CDIN1: variants seen among roughly 807,000 people sequenced by gnomAD.
CDIN1 encodes the protein CDAN1 interacting nuclease 1, also known as CDAN1-interacting nuclease 1.
A neutral mutation model predicts 45.3 loss-of-function variants in CDIN1; 33 were observed. The ratio of observed to expected loss-of-function variants is 0.73; its 90% CI spans 0.55 to 0.97. CDIN1 has a LOEUF of 0.97. Among genes scored for constraint, CDIN1 ranks in the 50% least tolerant of loss-of-function variants. CDIN1 has a pLI of 0.00. For missense variants in CDIN1, 303 were observed against 339.4 expected (o/e 0.89, Z 0.84); for synonymous variants, 118 against 124.4 (o/e 0.95, Z 0.34).
At chr15:36,697,416 G>C (rs778111140) in intron 8 of CDIN1, 26 bp downstream of exon 8, 7 of 1,563,822 alleles carry the variant, frequency 4.5e-6, no homozygotes, top group African/African-American at 2.8e-5. Flanking sequence ...ATCTTCTCTA[G>C]CTTGTGTTGT....
At chr15:36,744,355 T>C (rs1208680054) in intron 10 of CDIN1, among the ~76,000 whole-genome samples, 1 of 152,204 alleles carries the variant, frequency 6.6e-6, no homozygotes, top group Non-Finnish European at 1.5e-5. Flanking sequence ...TGAATATCTC[T>C]CTAGCTGCAT....
At chr15:36,589,645 A>G (rs1292251562) in intron 1 of CDIN1, among the ~76,000 whole-genome samples, 1 of 152,066 alleles carries the variant, frequency 6.6e-6, no homozygotes, top group African/African-American at 2.4e-5. Context: ...AGCTGGGACT[A>G]CAGGCGCCCG....
intron 8 of CDIN1, chr15:36,704,838 A>G (rs2042804320): frequency 6.6e-6 from 1 of 152,116 alleles, no homozygotes; most frequent in African/African-American, 2.4e-5. Context: ...TATGGAAATG[A>G]CTATACTTTT....
chr15:36,623,308 C>T (rs576579321), intron 1 of CDIN1, among the ~76,000 whole-genome samples: 1 of 152,108 alleles, frequency 6.6e-6, no homozygotes, highest in African/African-American at 2.4e-5. Context: ...TTTTTTTAAA[C>T]AATTTTGCCT....
intron 1 of CDIN1, chr15:36,627,154 C>T (rs569476554): frequency 1.0e-5 from 2 of 199,328 alleles, no homozygotes; most frequent in Admixed American, 5.9e-5. Context: ...ACTGGGTGTA[C>T]ATCACCTCTA....
intron 1 of CDIN1, among the ~76,000 whole-genome samples, chr15:36,610,676 G>A (rs538905933): frequency 2.3e-4 from 35 of 152,326 alleles, no homozygotes; most frequent in African/African-American, 7.7e-4. Flanking sequence ...CTAAACAAAG[G>A]TGGATACCTG....
At position 36,618,323 on chromosome 15, in the gene CDIN1, T is replaced by C. The variant is rs925529303; in HGVS notation, c.102-25955T>C. 7 of 674,572 alleles carry C rather than the reference T, an allele frequency of 1.0e-5. No homozygotes were observed. In the African/African-American group the frequency reaches 1.3e-4, roughly 12 times the overall value. The allele number at this position is 674,572 out of a possible 1,614,324, so 41.8% of individuals were successfully genotyped here. A position where few individuals can be genotyped will look rare whatever the true frequency, so the allele number is the denominator to read the frequency against. On this transcript the variant is annotated intron_variant, in intron 1 of 10. Transcript: ENST00000566621. Reference sequence around the variant, plus strand: ...TCAAAAAATTTTTCAACTGAAAGCATAATCCTACAGTAACTGGGGATTAGG... The same window carrying C: ...TCAAAAAATTTTTCAACTGAAAGCACAATCCTACAGTAACTGGGGATTAGG...
chr15:36,613,049 A>G (rs762200730), intron 1 of CDIN1, among the ~76,000 whole-genome samples: 1 of 152,220 alleles, frequency 6.6e-6, no homozygotes, highest in Non-Finnish European at 1.5e-5. Context: ...TTAGGAGCAC[A>G]CACTCTCTTA....
At chr15:36,807,185 C>G (rs1043811801) in intron 10 of CDIN1, among the ~76,000 whole-genome samples, 1 of 152,194 alleles carries the variant, frequency 6.6e-6, no homozygotes, top group Admixed American at 6.5e-5. Context: ...CCTGTGCATA[C>G]AGTATCTCGC....
chr15:36,779,442 A>T (rs2054297192), intron 10 of CDIN1, among the ~76,000 whole-genome samples: 1 of 152,190 alleles, frequency 6.6e-6, no homozygotes, highest in African/African-American at 2.4e-5. Context: ...ACTATAGCCC[A>T]AAGACAGATT....
intron 4 of CDIN1, 89 bp downstream of exon 4, chr15:36,654,247 T>A: frequency 1.9e-6 from 2 of 1,053,790 alleles, no homozygotes; most frequent in Non-Finnish European, 2.8e-6. Context: ...TAACTACCTT[T>A]GGAAAAAAAA....
chr15:36,590,748 A>G (rs1236554177), intron 1 of CDIN1, among the ~76,000 whole-genome samples: 1 of 152,236 alleles, frequency 6.6e-6, no homozygotes, highest in East Asian at 1.9e-4. Flanking sequence ...TGTTACATGA[A>G]ATAGGAGGCA....
intron 10 of CDIN1, chr15:36,746,922 C>G: frequency 2.5e-6 from 1 of 397,974 alleles, no homozygotes; most frequent in Non-Finnish European, 4.4e-6. Flanking sequence ...GCTAATTTTT[C>G]TATGTTTTGT....
chr15:36,800,909 G>GTATGTGTATATATA (rs1555410946), intron 10 of CDIN1, among the ~76,000 whole-genome samples: 2 of 22,374 alleles, frequency 8.9e-5, no homozygotes, highest in Non-Finnish European at 2.3e-4. Context: ...GTGTGTGTGT[G>GTATGTGTATATATA]TATATATATA....
At chr15:36,610,111 G>A (rs1040682190) in intron 1 of CDIN1, among the ~76,000 whole-genome samples, 7 of 152,276 alleles carry the variant, frequency 4.6e-5, no homozygotes, top group East Asian at 1.9e-4. Flanking sequence ...AGCAAAATAC[G>A]AGAAAGGGTT....
rs1368095823 is a variant in CDIN1 at position 36,657,727 on chromosome 15, C to G, written c.274-106C>G. The G allele has an allele frequency of 4.8e-6, 4 of 831,728 alleles. No homozygotes were observed. In the Admixed American group the frequency reaches 7.2e-5, roughly 15 times the overall value. 51.5% of individuals were successfully genotyped at this position (831,728 alleles called of 1,614,324 possible). ...GAAAGATTTTAATGAATGATGCTTG[C>G]TATGGTTGATTAAAATTGACTTATT... On this transcript the variant is annotated intron_variant, in intron 4 of 10. Transcript: ENST00000566621.
At chr15:36,773,571 A>G (rs2079338312) in intron 10 of CDIN1, among the ~76,000 whole-genome samples, 1 of 152,236 alleles carries the variant, frequency 6.6e-6, no homozygotes, top group South Asian at 2.1e-4. Context: ...AAGGCTACCC[A>G]GAGAAGATCA....
Position 36,644,292 on chromosome 15 carries a change from C to G in CDIN1, c.116C>G (p.Thr39Ser). 6.2e-7 allele frequency: 1 copy of G among 1,613,764 alleles called. No homozygotes were observed. The highest frequency in any genetic ancestry group is 1.3e-5 in the African/African-American group (1 of 75,042). Residue 39 changes from threonine (T) to serine (S), a missense_variant, in exon 2 of 11, where the codon ACT becomes AGT. Transcript: ENST00000566621. ...KQRFPSQSQA[T>S]LLSIFSQEYQ... is the part of the protein sequence containing the mutation. ...ATTTGTTCCAGTCAATCGCAGGCCA[C>G]TCTGCTGAGCATCTTCTCCCAGGAG...
intron 10 of CDIN1, among the ~76,000 whole-genome samples, chr15:36,711,724 G>T (rs1488585035): frequency 6.6e-6 from 1 of 152,160 alleles, no homozygotes; most frequent in East Asian, 1.9e-4. Context: ...GTTAGCCTTG[G>T]TTTTAAATGG....
Sources: allele counts gnomAD v4.1 joint callset (sites outside exome capture counted in the v4.1 genomes callset), GRCh38; gene constraint gnomAD v4.1.1; transcripts MANE v1.5; gene names NCBI Gene and HGNC (gene_info 2026-07-23, HGNC 2026-07-21).